The following ENTPD3 variants were observed in gnomAD, a reference collection of about 807,000 sequenced individuals.
The protein encoded by ENTPD3 is CD39 antigen-like 3.
ENTPD3 carries 60 observed loss-of-function variants against 51.2 expected under a neutral mutation model. The ratio of observed to expected loss-of-function variants is 1.17; its 90% CI spans 0.95 to 1.45. ENTPD3 has a LOEUF of 1.45. Among genes scored for constraint, ENTPD3 ranks in the 40% most tolerant of loss-of-function variants. ENTPD3 has a pLI of 0.00. For missense variants in ENTPD3, 593 were observed against 641.1 expected, an observed-to-expected ratio of 0.93 and a Z score of 0.81; for synonymous variants, 221 against 238.4, an observed-to-expected ratio of 0.93 and a Z score of 0.67.
At chr3:40,423,680 TG>T in intron 9 of ENTPD3, 145 bp from the exon 10 acceptor site, 1 of 922,424 alleles carries the variant, frequency 1.1e-6, no homozygotes, top group East Asian at 2.7e-5. Context: ...ATAATTATAT[TG>T]TGTGATTATA....
intron 10 of ENTPD3, among the ~76,000 whole-genome samples, chr3:40,426,918 C>G (rs6795906): frequency 0.044 from 6,711 of 152,240 alleles, 441 homozygotes; most frequent in African/African-American, 0.15. Context: ...TTCTTAGGAA[C>G]TGGTCCTGGG....
chr3:40,414,869 A>G, intron 6 of ENTPD3, 29 bp downstream of exon 6: 1 of 1,612,106 alleles, frequency 6.2e-7, no homozygotes, highest in Non-Finnish European at 8.5e-7. Context: ...ATGGTTTTTA[A>G]TCTTACTGTT....
intron 4 of ENTPD3, among the ~76,000 whole-genome samples, chr3:40,405,473 C>T (rs1300434265): frequency 4.0e-5 from 6 of 151,562 alleles, no homozygotes; most frequent in Non-Finnish European, 8.8e-5. Flanking sequence ...CCACTGCACT[C>T]CAGCCTGGGT....
Position 40,411,979 on chromosome 3 carries a change from A to T in ENTPD3, c.437+17A>T. ...CTTGCTGAGGTAAAGGCTAAGTGGC[A>T]CAAAGGAGCCCATTTGACCAAAATA... On this transcript the variant is annotated intron_variant, in intron 5 of 10. Transcript: ENST00000301825. 1 of 1,602,888 alleles carries T rather than the reference A, an allele frequency of 6.2e-7. No individual in the cohort carries two copies. Among genetic ancestry groups the T allele is most frequent in the South Asian group, 1.1e-5 (1 of 88,414 alleles).
rs1011642400 is a variant in ENTPD3 at position 40,389,012 on chromosome 3, A to T, written c.40+915A>T. On this transcript the variant is annotated intron_variant, in intron 2 of 10. Transcript: ENST00000301825. ...AAATTGGGTATTCTTGTCTTCCAAA[A>T]GGATATGATTTTAGGATAGTAAGGG... 2.0e-5 allele frequency among the ~76,000 whole-genome samples: 3 copies of T among 152,224 alleles called. No individual in the cohort carries two copies. The East Asian group carries it at 5.8e-4, about 29-fold the overall frequency.
chr3:40,391,720 G>T, intron 2 of ENTPD3: 4 of 374,308 alleles, frequency 1.1e-5, no homozygotes, highest in Middle Eastern at 7.2e-4. Context: ...TAAAACAAAT[G>T]TTATTGTAAT....
chr3:40,412,993 T>C (rs555544216), intron 5 of ENTPD3, among the ~76,000 whole-genome samples: 13 of 152,304 alleles, frequency 8.5e-5, no homozygotes, highest in Non-Finnish European at 1.5e-4. Flanking sequence ...TTCTTTCTTA[T>C]AAAAACAGTT....
intron 2 of ENTPD3, chr3:40,390,832 A>T (rs752351094): frequency 6.6e-6 from 1 of 152,166 alleles, no homozygotes; most frequent in African/African-American, 2.4e-5. Flanking sequence ...GTGCCCACAT[A>T]TTCCTTCTCA....
intron 5 of ENTPD3, 110 bp downstream of exon 5, chr3:40,412,072 A>C: frequency 6.4e-6 from 7 of 1,086,100 alleles, no homozygotes; most frequent in Non-Finnish European, 8.5e-6. Context: ...GCCCCCCAAA[A>C]AGAAGCCCAC....
intron 7 of ENTPD3, among the ~76,000 whole-genome samples, chr3:40,416,638 AT>A (rs1278144368): frequency 6.6e-6 from 1 of 152,216 alleles, no homozygotes; most frequent in Non-Finnish European, 1.5e-5. Context: ...TAATTCAGGC[AT>A]CAGCTAGAAA....
chr3:40,393,157 A>G (rs1315575898), intron 3 of ENTPD3, among the ~76,000 whole-genome samples: 1 of 152,166 alleles, frequency 6.6e-6, no homozygotes, highest in African/African-American at 2.4e-5. Flanking sequence ...TGAGAGGCTG[A>G]CAAGGGAAAG....
intron 5 of ENTPD3, among the ~76,000 whole-genome samples, chr3:40,412,973 C>T (rs1955668412): frequency 6.6e-6 from 1 of 152,170 alleles, no homozygotes; most frequent in Non-Finnish European, 1.5e-5. Flanking sequence ...AAACTCCTTC[C>T]TTTTGCTTTT....
At chr3:40,389,962 T>C (rs1423228556) in intron 2 of ENTPD3, among the ~76,000 whole-genome samples, 2 of 152,216 alleles carry the variant, frequency 1.3e-5, no homozygotes, top group East Asian at 1.9e-4. Context: ...GATGAAAATG[T>C]TATATGGCTG....
At chr3:40,395,580 C>G (rs768116359) in intron 3 of ENTPD3, among the ~76,000 whole-genome samples, 1 of 152,168 alleles carries the variant, frequency 6.6e-6, no homozygotes, top group Non-Finnish European at 1.5e-5. Context: ...TGCTTGAGAC[C>G]CTGTGAGCTG....
intron 3 of ENTPD3, among the ~76,000 whole-genome samples, chr3:40,393,934 G>A (rs548586569): frequency 6.6e-5 from 10 of 150,950 alleles, no homozygotes; most frequent in African/African-American, 2.4e-4. Flanking sequence ...GTCCCAGCTA[G>A]CTACTCAGGA....
intron 3 of ENTPD3, among the ~76,000 whole-genome samples, chr3:40,400,190 G>A (rs769103380): frequency 1.1e-4 from 17 of 151,398 alleles, no homozygotes; most frequent in African/African-American, 1.9e-4. Flanking sequence ...ACTTGAACCC[G>A]GGAGGCAGAG....
At chr3:40,403,653 A>T (rs954803691) in intron 4 of ENTPD3, among the ~76,000 whole-genome samples, 48 of 140,016 alleles carry the variant, frequency 3.4e-4, no homozygotes, top group African/African-American at 1.1e-3. Context: ...TTTTCCTTTA[A>T]TTTTTTTTTT....
At chr3:40,424,517 G>A (rs1363992049) in intron 10 of ENTPD3, among the ~76,000 whole-genome samples, 1 of 151,884 alleles carries the variant, frequency 6.6e-6, no homozygotes, top group Admixed American at 6.6e-5. Flanking sequence ...AAGATTTGGG[G>A]GATGGGGAAG....
intron 4 of ENTPD3, among the ~76,000 whole-genome samples, chr3:40,406,504 G>A (rs944236029): frequency 3.4e-4 from 52 of 152,318 alleles, no homozygotes; most frequent in Admixed American, 9.8e-4. Context: ...GGATCACTCA[G>A]TTGATATAGA....
Sources: allele counts gnomAD v4.1 joint callset (sites outside exome capture counted in the v4.1 genomes callset), GRCh38; gene constraint gnomAD v4.1.1; transcripts MANE v1.5; gene names NCBI Gene and HGNC (gene_info 2026-07-23, HGNC 2026-07-21).